Variants in TENM4 observed in about 807,000 individuals in gnomAD.
The protein encoded by TENM4 is teneurin transmembrane protein 4, also known as teneurin-4.
Under a neutral mutation model 243.3 loss-of-function variants are expected in TENM4, and 82 were observed. The observed-to-expected ratio is 0.34, with a 90% CI of 0.28 to 0.40. The LOEUF (loss-of-function observed/expected upper bound fraction) is 0.40. Among genes scored for constraint, TENM4 ranks in the 10% least tolerant of loss-of-function variants. The probability of loss-of-function intolerance (pLI) is 1.00; values close to 1 mark genes in which losing one functional copy is unlikely to be tolerated. For missense variants in TENM4, 3,138 were observed against 3,673.3 expected (o/e 0.85, Z 3.77); for synonymous variants, 1,412 against 1,456.3 (o/e 0.97, Z 0.69).
Position 79,069,744 on chromosome 11 carries a change from C to T in TENM4, c.201G>A (p.Glu67=), listed in dbSNP as rs960081280. The T allele has an allele frequency of 6.4e-7, 1 of 1,551,036 alleles. No individual in the cohort carries two copies. Among genetic ancestry groups the T allele is most frequent in the Non-Finnish European group, 8.7e-7 (1 of 1,146,914 alleles). The change falls in exon 5 of 34, where the codon GAG becomes GAA. Residue 67 remains glutamate (E), a synonymous_variant. Transcript: ENST00000278550. ...TACCTGTGCGGCAGAATTCCTCGGC[C>T]TCCTGCGGCACAATGTCCTTGACGC... ...GSRVKDIVPQ[E]AEEFCRTGAN... is the part of the protein sequence containing the mutation.
chr11:79,325,201 G>A (rs1856954069), intron 1 of TENM4, among the ~76,000 whole-genome samples: 1 of 152,154 alleles, frequency 6.6e-6, no homozygotes, highest in African/African-American at 2.4e-5. Context: ...GTTCTAACCT[G>A]GGCTGGAGGT....
intron 29 of TENM4, among the ~76,000 whole-genome samples, chr11:78,686,802 G>C (rs1411487703): frequency 6.6e-6 from 1 of 152,214 alleles, no homozygotes; most frequent in African/African-American, 2.4e-5. Flanking sequence ...GGTGCTTGGT[G>C]AAGAAGGAAT....
In TENM4 at chr11:78,738,480, A is replaced by G. The variant is rs1402957057; in HGVS notation, c.2847T>C (p.Phe949=). 1 of 1,613,770 alleles carries G rather than the reference A, an allele frequency of 6.2e-7. No homozygotes were observed. Among genetic ancestry groups the G allele is most frequent in the Non-Finnish European group, 8.5e-7 (1 of 1,179,838 alleles). ...CATCTTGCCTGCTGATTGTATATCCAAAGAGAGGGTTATTGACAAAACTGA... is the reference window on the plus strand; with the variant it reads ...CATCTTGCCTGCTGATTGTATATCCGAAGAGAGGGTTATTGACAAAACTGA... ...VNISFVNNPL[F]GYTISRQDGS... Residue 949 remains phenylalanine (F), a synonymous_variant, in exon 20 of 34, where the codon TTT becomes TTC. Coordinates refer to ENST00000278550, the MANE Select transcript of TENM4 (RefSeq NM_001098816.3).
At chr11:79,065,400 T>C (rs1221316558) in intron 5 of TENM4, among the ~76,000 whole-genome samples, 1 of 152,172 alleles carries the variant, frequency 6.6e-6, no homozygotes, top group Admixed American at 6.5e-5. Context: ...GCAGGCACCA[T>C]GTTTTGCTTA....
At chr11:79,135,024 C>T (rs190872874) in intron 4 of TENM4, among the ~76,000 whole-genome samples, 13 of 152,104 alleles carry the variant, frequency 8.5e-5, no homozygotes, top group Admixed American at 8.5e-4. Context: ...AGCTTTTGCA[C>T]AGCAAAAGGA....
intron 6 of TENM4, among the ~76,000 whole-genome samples, chr11:78,955,808 T>C (rs1857197839): frequency 6.6e-6 from 1 of 152,192 alleles, no homozygotes; most frequent in Non-Finnish European, 1.5e-5. Context: ...AGAGGTAATG[T>C]ATGAAAAAGG....
intron 4 of TENM4, among the ~76,000 whole-genome samples, chr11:79,126,609 C>T (rs1326723332): frequency 6.6e-6 from 1 of 152,066 alleles, no homozygotes; most frequent in Non-Finnish European, 1.5e-5. Context: ...GATAGGAAGC[C>T]TACTGCATTC....
intron 2 of TENM4, among the ~76,000 whole-genome samples, chr11:79,217,669 G>T (rs1346440690): frequency 6.6e-6 from 1 of 152,064 alleles, no homozygotes; most frequent in Non-Finnish European, 1.5e-5. Flanking sequence ...GCCAAGTACA[G>T]AGTATCCTGT....
intron 6 of TENM4, among the ~76,000 whole-genome samples, chr11:79,015,643 G>T (rs1353223942): frequency 6.6e-6 from 1 of 152,140 alleles, no homozygotes; most frequent in Non-Finnish European, 1.5e-5. Context: ...AGAGAAAGGC[G>T]AAAAACTAAT....
intron 4 of TENM4, among the ~76,000 whole-genome samples, chr11:79,071,473 AGTG>A (rs1860413682): frequency 7.4e-6 from 1 of 135,804 alleles, no homozygotes; most frequent in Non-Finnish European, 1.6e-5. Flanking sequence ...TGTGGGTGGG[AGTG>A]TCTGGGGGGT....
chr11:79,418,289 C>T (rs1858860891), intron 1 of TENM4, among the ~76,000 whole-genome samples: 1 of 152,142 alleles, frequency 6.6e-6, no homozygotes, highest in African/African-American at 2.4e-5. Flanking sequence ...AAAGCACCTA[C>T]CTAGAATCTC....
At chr11:78,990,051 T>C (rs1858004881) in intron 6 of TENM4, among the ~76,000 whole-genome samples, 1 of 145,136 alleles carries the variant, frequency 6.9e-6, no homozygotes, top group Admixed American at 6.8e-5. Context: ...GTGACAGGAG[T>C]GAGGCTTTGT....
chr11:79,440,106 G>A lies in TENM4; in HGVS notation c.-321+403C>T, dbSNP rs1305445428. Among the ~76,000 whole-genome samples the A allele has an allele frequency of 6.6e-6, 1 of 152,086 alleles. No homozygotes were observed. The highest frequency in any genetic ancestry group is 2.4e-5 in the African/African-American group (1 of 41,424). ...TCGCGGGCTCCTCCAGCGCCCGACG[G>A]GGGCCTGGGGCGAGCTAGTCTGCAG... On this transcript the variant is annotated intron_variant, in intron 1 of 33. Transcript: ENST00000278550. This position sits in a 1 kb window ranked among gnomAD's most constrained non-coding sequence, Gnocchi z 4.7.
chr11:79,129,574 G>A (rs568871126), intron 4 of TENM4, among the ~76,000 whole-genome samples: 67 of 152,256 alleles, frequency 4.4e-4, no homozygotes, highest in Middle Eastern at 3.4e-3. Flanking sequence ...TGGCCCTTGG[G>A]TTTGCATGGG....
intron 6 of TENM4, among the ~76,000 whole-genome samples, chr11:78,965,545 T>C (rs1857421667): frequency 6.6e-6 from 1 of 152,224 alleles, no homozygotes; most frequent in South Asian, 2.1e-4. Flanking sequence ...GGGTGTTTGT[T>C]ACAGCCTCTT....
chr11:79,237,397 C>A (rs1448011027), intron 2 of TENM4, among the ~76,000 whole-genome samples: 1 of 152,204 alleles, frequency 6.6e-6, no homozygotes, highest in Non-Finnish European at 1.5e-5. Context: ...AAACATAGGG[C>A]CTGGCATGGT....
chr11:79,130,254 T>G (rs1397350434), intron 4 of TENM4, among the ~76,000 whole-genome samples: 1 of 152,076 alleles, frequency 6.6e-6, no homozygotes, highest in African/African-American at 2.4e-5. Flanking sequence ...CAGCCCAAGA[T>G]CTTCCCTCTG....
intron 2 of TENM4, among the ~76,000 whole-genome samples, chr11:79,236,602 A>T (rs1446885783): frequency 2.0e-5 from 3 of 152,118 alleles, no homozygotes; most frequent in Non-Finnish European, 4.4e-5. Flanking sequence ...ACACAACTGT[A>T]CAGCAGGACT....
intron 8 of TENM4, 22 bp from the exon 9 acceptor site, chr11:78,890,042 A>G: frequency 6.6e-7 from 1 of 1,511,610 alleles, no homozygotes; most frequent in South Asian, 1.3e-5. Flanking sequence ...GAGCAGCAAG[A>G]GGGTGTCAGG....
Sources: gnomAD v4.1 joint callset for allele counts (sites outside exome capture counted in the v4.1 genomes callset) on GRCh38, gnomAD v4.1.1 for gene constraint, Gnocchi (gnomAD v3.1) non-coding constraint, MANE v1.5 for transcripts, NCBI Gene and HGNC (gene_info 2026-07-23, HGNC 2026-07-21) for gene names.